The following KCNH1 variants were observed in gnomAD, a reference collection of about 807,000 sequenced individuals.
KCNH1 encodes voltage-gated delayed rectifier potassium channel KCNH1.
Under a neutral mutation model 69.2 loss-of-function variants are expected in KCNH1, and 27 were observed. The observed-to-expected ratio is 0.39, with a 90% CI of 0.29 to 0.54. The LOEUF (loss-of-function observed/expected upper bound fraction) is 0.54, where lower values mean the gene tolerates loss of function less well. Ranked by LOEUF, KCNH1 falls within the 20% of genes least tolerant of loss-of-function variation. KCNH1 has a pLI of 0.68. For missense variants in KCNH1, 798 were observed against 1,261.6 expected, an observed-to-expected ratio of 0.63 and a Z score of 5.57; for synonymous variants, 456 against 487.7, an observed-to-expected ratio of 0.93 and a Z score of 0.86.
intron 6 of KCNH1, among the ~76,000 whole-genome samples, chr1:211,010,390 T>C (rs888488971): frequency 1.3e-5 from 2 of 152,128 alleles, no homozygotes; most frequent in Non-Finnish European, 2.9e-5. Flanking sequence ...CCCACCCTAA[T>C]GGAAGTCCAT....
At chr1:210,892,739 C>G (rs1686775350) in intron 7 of KCNH1, among the ~76,000 whole-genome samples, 1 of 152,140 alleles carries the variant, frequency 6.6e-6, no homozygotes, top group African/African-American at 2.4e-5. Context: ...TTTGACAAGT[C>G]TTAATTGGTC....
intron 7 of KCNH1, among the ~76,000 whole-genome samples, chr1:210,871,246 T>C (rs1350148580): frequency 2.0e-5 from 3 of 152,094 alleles, no homozygotes; most frequent in African/African-American, 7.2e-5. Context: ...GCAAAGGACA[T>C]GAACAGACAC....
chr1:211,089,071 C>A (rs946367067), intron 4 of KCNH1, among the ~76,000 whole-genome samples: 1 of 152,062 alleles, frequency 6.6e-6, no homozygotes, highest in Non-Finnish European at 1.5e-5. Context: ...TACAAATGTT[C>A]CAGTAGTAAT....
intron 6 of KCNH1, among the ~76,000 whole-genome samples, chr1:210,977,419 T>A (rs975841310): frequency 5.9e-5 from 9 of 152,094 alleles, no homozygotes; most frequent in African/African-American, 2.2e-4. Flanking sequence ...GTTGTGCACT[T>A]GTACCCTAGA....
intron 10 of KCNH1, among the ~76,000 whole-genome samples, chr1:210,742,856 T>TGC (rs892608069): frequency 1.3e-5 from 2 of 152,080 alleles, no homozygotes; most frequent in Admixed American, 6.5e-5. Flanking sequence ...TGTGTGTGTG[T>TGC]GCGCGCGCGC....
At chr1:210,911,007 C>T (rs1687217273) in intron 7 of KCNH1, among the ~76,000 whole-genome samples, 1 of 152,140 alleles carries the variant, frequency 6.6e-6, no homozygotes, top group Non-Finnish European at 1.5e-5. Flanking sequence ...TTCCTACTTG[C>T]ATTTGTGTAG....
At chr1:210,743,482 C>T (rs564254407) in intron 10 of KCNH1, among the ~76,000 whole-genome samples, 1 of 152,312 alleles carries the variant, frequency 6.6e-6, no homozygotes, top group South Asian at 2.1e-4. Flanking sequence ...CTAGGAAGAT[C>T]TGACAATCTA....
intron 7 of KCNH1, among the ~76,000 whole-genome samples, chr1:210,818,511 G>A (rs1371807956): frequency 6.6e-6 from 1 of 152,112 alleles, no homozygotes; most frequent in African/African-American, 2.4e-5. Flanking sequence ...AACACTTAGT[G>A]TGAGTTCAGT....
intron 5 of KCNH1, among the ~76,000 whole-genome samples, chr1:211,078,242 T>G (rs1045670599): frequency 6.6e-5 from 10 of 152,286 alleles, no homozygotes; most frequent in African/African-American, 9.6e-5. Context: ...TATTCAGGAC[T>G]TGAACTCAGC....
intron 5 of KCNH1, among the ~76,000 whole-genome samples, chr1:211,025,220 C>T (rs1423309100): frequency 2.0e-5 from 3 of 152,134 alleles, no homozygotes; most frequent in African/African-American, 7.2e-5. Context: ...GGTAAAACTC[C>T]CTCTTGTGTC....
rs367730199 is a variant in KCNH1, at chr1:210,836,811, C to G, written c.1463-32645G>C. Among the ~76,000 whole-genome samples the G allele has an allele frequency of 2.4e-3, 362 of 152,266 alleles. 2 individuals are homozygous for G. Among genetic ancestry groups the G allele is most frequent in the African/African-American group, 8.4e-3 (350 of 41,548 alleles). On this transcript the variant is annotated intron_variant, in intron 7 of 10. Transcript: ENST00000271751. ...GGATGGTAGGCAGAGGTACTGGCCG[C>G]TGAACCAATAAATAAATCAATTATG... is the stretch of plus-strand genomic sequence containing the variant.
chr1:210,717,595 CT>C (rs983186458), intron 10 of KCNH1, among the ~76,000 whole-genome samples: 3 of 152,208 alleles, frequency 2.0e-5, no homozygotes, highest in Admixed American at 2.0e-4. Context: ...AACCCAGTTG[CT>C]GGTGTGGTGA....
chr1:210,864,991 GT>G (rs1686073835), intron 7 of KCNH1, among the ~76,000 whole-genome samples: 1 of 152,180 alleles, frequency 6.6e-6, no homozygotes, highest in South Asian at 2.1e-4. Context: ...AAGAGCAGGT[GT>G]CCCAAACAAA....
chr1:211,086,609 G>C (rs939765686), intron 4 of KCNH1, among the ~76,000 whole-genome samples: 1 of 152,106 alleles, frequency 6.6e-6, no homozygotes, highest in Non-Finnish European at 1.5e-5. Context: ...GCTATTTACT[G>C]GGTCTTTTCT....
intron 10 of KCNH1, among the ~76,000 whole-genome samples, chr1:210,732,747 G>A (rs977617026): frequency 3.9e-5 from 6 of 152,224 alleles, no homozygotes; most frequent in Admixed American, 1.3e-4. Flanking sequence ...CAGACAGCAC[G>A]TTCCTCACAA....
intron 6 of KCNH1, among the ~76,000 whole-genome samples, chr1:210,987,431 T>C (rs1487029475): frequency 6.6e-6 from 1 of 152,208 alleles, no homozygotes; most frequent in Admixed American, 6.5e-5. Context: ...CCTTTGGTCT[T>C]TGATGATGGT....
At chr1:210,794,198 T>C (rs565650805) in intron 9 of KCNH1, among the ~76,000 whole-genome samples, 6 of 152,336 alleles carry the variant, frequency 3.9e-5, no homozygotes, top group Admixed American at 6.5e-5. Flanking sequence ...GAATCACTTA[T>C]GCCTCTTTGT....
intron 5 of KCNH1, among the ~76,000 whole-genome samples, chr1:211,029,225 T>C (rs1331116423): frequency 7.1e-6 from 1 of 140,484 alleles, no homozygotes. Context: ...CCTAGCTGCT[T>C]GGGAGGCTGA....
chr1:210,883,559 T>A (rs1686540588), intron 7 of KCNH1, among the ~76,000 whole-genome samples: 1 of 152,256 alleles, frequency 6.6e-6, no homozygotes, highest in Non-Finnish European at 1.5e-5. Flanking sequence ...GACTCCACCA[T>A]TTACTAGCTA....
Sources: allele counts gnomAD v4.1 joint callset (sites outside exome capture counted in the v4.1 genomes callset), GRCh38; gene constraint gnomAD v4.1.1; transcripts MANE v1.5; gene names NCBI Gene and HGNC (gene_info 2026-07-23, HGNC 2026-07-21).